CAMKMT: variants seen among roughly 807,000 people sequenced by gnomAD.
CAMKMT encodes the protein calmodulin-lysine N-methyltransferase, also known as CaM KMT.
CAMKMT carries 53 observed loss-of-function variants against 48.0 expected under a neutral mutation model. The ratio of observed to expected loss-of-function variants is 1.10; its 90% CI spans 0.89 to 1.39. The LOEUF is 1.39. CAMKMT is among the 40% of genes most tolerant of loss of function. The pLI is 0.00. For missense variants in CAMKMT, 428 were observed against 402.7 expected, an observed-to-expected ratio of 1.06 and a Z score of -0.54; for synonymous variants, 165 against 152.3, an observed-to-expected ratio of 1.08 and a Z score of -0.61.
intron 3 of CAMKMT, among the ~76,000 whole-genome samples, chr2:44,575,445 C>T (rs1047026452): frequency 6.6e-6 from 1 of 152,110 alleles, no homozygotes; most frequent in Admixed American, 6.5e-5. Context: ...TCACATAGGT[C>T]TTGCCCATTG....
At chr2:44,425,601 T>C (rs1684225915) in intron 3 of CAMKMT, among the ~76,000 whole-genome samples, 1 of 152,172 alleles carries the variant, frequency 6.6e-6, no homozygotes, top group South Asian at 2.1e-4. Flanking sequence ...TTTTGTAACA[T>C]ACAATGAGTA....
intron 3 of CAMKMT, among the ~76,000 whole-genome samples, chr2:44,503,759 C>A (rs975136669): frequency 6.6e-6 from 1 of 152,120 alleles, no homozygotes; most frequent in South Asian, 2.1e-4. Context: ...TGACAAAATA[C>A]CTTAGACTGG....
intron 3 of CAMKMT, among the ~76,000 whole-genome samples, chr2:44,555,221 G>T (rs559431463): frequency 2.2e-3 from 331 of 152,266 alleles, no homozygotes; most frequent in African/African-American, 4.0e-3. Context: ...ATTGGAGTAG[G>T]GAAACCAGTC....
chr2:44,638,901 CT>C (rs1450098354), intron 3 of CAMKMT, among the ~76,000 whole-genome samples: 1 of 152,174 alleles, frequency 6.6e-6, no homozygotes, highest in Non-Finnish European at 1.5e-5. Context: ...AGAACCGACA[CT>C]TTTGTAGCCA....
rs142959677 is a variant in CAMKMT at position 44,712,999 on chromosome 2, C to G, written c.557-2288C>G. On this transcript the variant is annotated intron_variant, in intron 6 of 10. Coordinates refer to ENST00000378494, the MANE Select transcript of CAMKMT (RefSeq NM_024766.5). Reference sequence around the variant, plus strand: ...TGCTCATTTTAATATTTAAAAAAACCTCTTAAACCACAAAACTTATTTCCT... The same window carrying G: ...TGCTCATTTTAATATTTAAAAAAACGTCTTAAACCACAAAACTTATTTCCT... Among the ~76,000 whole-genome samples, 28 of 151,940 alleles carry G rather than the reference C, an allele frequency of 1.8e-4. No individual in the cohort carries two copies. The East Asian group carries it at 4.6e-3, about 25-fold the overall frequency.
chr2:44,603,416 T>C (rs975926120), intron 3 of CAMKMT, among the ~76,000 whole-genome samples: 2 of 152,196 alleles, frequency 1.3e-5, no homozygotes, highest in South Asian at 2.1e-4. Context: ...AAGGATTCTT[T>C]TACATTTATT....
intron 3 of CAMKMT, among the ~76,000 whole-genome samples, chr2:44,411,743 A>G (rs1683216178): frequency 6.6e-6 from 1 of 151,770 alleles, no homozygotes; most frequent in South Asian, 2.1e-4. Flanking sequence ...GTAAAATTCC[A>G]TTCATCAAAC....
intron 3 of CAMKMT, among the ~76,000 whole-genome samples, chr2:44,448,602 C>T (rs1239211706): frequency 6.6e-6 from 1 of 152,120 alleles, no homozygotes; most frequent in Non-Finnish European, 1.5e-5. Flanking sequence ...TGTAAGTTAA[C>T]CTTACTAATT....
intron 7 of CAMKMT, among the ~76,000 whole-genome samples, chr2:44,735,975 A>G (rs548697282): frequency 1.6e-4 from 25 of 152,296 alleles, no homozygotes; most frequent in African/African-American, 5.8e-4. Context: ...GTCCCCTGCC[A>G]GTCTTTATGC....
chr2:44,578,045 AT>A (rs1669330829), intron 3 of CAMKMT, among the ~76,000 whole-genome samples: 1 of 152,200 alleles, frequency 6.6e-6, no homozygotes, highest in Non-Finnish European at 1.5e-5. Flanking sequence ...TGTAAAACTA[AT>A]AAAATGTGTA....
chr2:44,571,023 G>C (rs1039255535), intron 3 of CAMKMT, among the ~76,000 whole-genome samples: 5 of 152,164 alleles, frequency 3.3e-5, no homozygotes, highest in African/African-American at 7.2e-5. Flanking sequence ...TTAAAGGTTA[G>C]ATAGTCTGAA....
intron 3 of CAMKMT, among the ~76,000 whole-genome samples, chr2:44,540,633 C>A (rs1405793403): frequency 6.6e-6 from 1 of 152,102 alleles, no homozygotes; most frequent in Non-Finnish European, 1.5e-5. Context: ...TGCCTGTAGT[C>A]CCAGCTACTT....
chr2:44,768,363 T>TATATATATATATATATATATATATATATA, intron 10 of CAMKMT, among the ~76,000 whole-genome samples: 1 of 72,038 alleles, frequency 1.4e-5, no homozygotes, highest in South Asian at 4.0e-4. Context: ...ATATATATAT[T>TATATATATATATATATATATATATATATA]TTTTTTTTTT....
At chr2:44,722,035 A>T (rs1250238113) in intron 7 of CAMKMT, among the ~76,000 whole-genome samples, 3 of 152,222 alleles carry the variant, frequency 2.0e-5, no homozygotes, top group African/African-American at 7.2e-5. Context: ...TCTATTGCTT[A>T]AAATAGTGTT....
At chr2:44,605,991 A>G (rs898474472) in intron 3 of CAMKMT, among the ~76,000 whole-genome samples, 3 of 152,206 alleles carry the variant, frequency 2.0e-5, no homozygotes, top group African/African-American at 7.2e-5. Flanking sequence ...AGAATTCTAT[A>G]TAGTTCATGA....
intron 3 of CAMKMT, among the ~76,000 whole-genome samples, chr2:44,677,913 C>A (rs1201023036): frequency 2.0e-5 from 3 of 151,970 alleles, no homozygotes; most frequent in African/African-American, 7.3e-5. Context: ...CAGCTGGACT[C>A]ATGCATAACA....
chr2:44,458,089 C>T (rs1275405927), intron 3 of CAMKMT, among the ~76,000 whole-genome samples: 3 of 129,032 alleles, frequency 2.3e-5, no homozygotes, highest in Non-Finnish European at 4.7e-5. Flanking sequence ...CTCTGTTGCT[C>T]AGGCTTGAGT....
intron 3 of CAMKMT, among the ~76,000 whole-genome samples, chr2:44,429,261 G>GTGTGTGTGTGTGTGTA (rs1684483509): frequency 9.1e-6 from 1 of 110,380 alleles, no homozygotes; most frequent in South Asian, 4.0e-4. Flanking sequence ...TTATATATAT[G>GTGTGTGTGTGTGTGTA]TGTGTGTGTG....
intron 3 of CAMKMT, among the ~76,000 whole-genome samples, chr2:44,399,903 C>T (rs559796800): frequency 6.6e-6 from 1 of 152,260 alleles, no homozygotes; most frequent in Admixed American, 6.5e-5. Context: ...ACAATGCTTA[C>T]TTTCACTCCC....
Sources: gnomAD v4.1 joint callset for allele counts (sites outside exome capture counted in the v4.1 genomes callset) on GRCh38, gnomAD v4.1.1 for gene constraint, MANE v1.5 for transcripts, NCBI Gene and HGNC (gene_info 2026-07-23, HGNC 2026-07-21) for gene names.